FAT3: variants seen among roughly 807,000 people sequenced by gnomAD.
The protein encoded by FAT3 is FAT atypical cadherin 3.
Under a neutral mutation model 310.2 loss-of-function variants are expected in FAT3, and 95 were observed. The observed-to-expected ratio is 0.31, with a 90% CI of 0.26 to 0.36. FAT3 has a LOEUF of 0.36. Among genes scored for constraint, FAT3 ranks in the 10% least tolerant of loss-of-function variants. FAT3 has a pLI of 1.00. For missense variants in FAT3, 5,408 were observed against 5,715.6 expected (o/e 0.95, Z 1.74); for synonymous variants, 2,314 against 2,192.9 (o/e 1.06, Z -1.54).
chr11:92,818,936 TTAA>T (rs1947890923), intron 13 of FAT3, among the ~76,000 whole-genome samples: 1 of 152,324 alleles, frequency 6.6e-6, no homozygotes, highest in African/African-American at 2.4e-5. Flanking sequence ...GCTCAGTTAC[TTAA>T]TAAGAATTTT....
intron 1 of FAT3, among the ~76,000 whole-genome samples, chr11:92,287,117 C>A (rs1186664734): frequency 6.6e-6 from 1 of 152,066 alleles, no homozygotes; most frequent in East Asian, 1.9e-4. Context: ...ATTTTAAGTG[C>A]TTTGCAGGTG....
intron 19 of FAT3, among the ~76,000 whole-genome samples, chr11:92,855,508 T>C (rs576289391): frequency 6.6e-6 from 1 of 152,302 alleles, no homozygotes; most frequent in East Asian, 1.9e-4. Context: ...TCCCAGGCCT[T>C]ATACCTCTTT....
intron 2 of FAT3, chr11:92,403,451 A>C (rs931012831): frequency 6.6e-6 from 1 of 152,230 alleles, no homozygotes; most frequent in Non-Finnish European, 1.5e-5. Context: ...GAGTTAAATA[A>C]AATTCATTGC....
intron 4 of FAT3, among the ~76,000 whole-genome samples, chr11:92,745,644 G>A (rs1370908833): frequency 2.0e-5 from 3 of 151,528 alleles, no homozygotes; most frequent in Non-Finnish European, 2.9e-5. Context: ...TTCCTAAAGT[G>A]CAAAGAAAAG....
intron 1 of FAT3, among the ~76,000 whole-genome samples, chr11:92,293,692 G>T (rs1441348276): frequency 1.3e-5 from 2 of 151,452 alleles, no homozygotes; most frequent in African/African-American, 2.4e-5. Context: ...GGATCAGGAG[G>T]TCTTCTAGCC....
chr11:92,667,894 GCAT>G (rs1943007725), intron 3 of FAT3, among the ~76,000 whole-genome samples: 1 of 152,166 alleles, frequency 6.6e-6, no homozygotes, highest in Non-Finnish European at 1.5e-5. Context: ...TGGATCATGT[GCAT>G]CTTTTGCCAC....
chr11:92,383,059 C>T lies in FAT3; in HGVS notation c.3292+27655C>T, dbSNP rs992997904. Among the ~76,000 whole-genome samples, 63 of 152,162 alleles carry T rather than the reference C, an allele frequency of 4.1e-4. 2 individuals carry two copies. Among genetic ancestry groups the T allele is most frequent in the Non-Finnish European group, 2.9e-5 (2 of 68,032 alleles). On this transcript the variant is annotated intron_variant, in intron 2 of 27. Coordinates refer to ENST00000525166, the MANE Select transcript of FAT3 (RefSeq NM_001367949.2). Reference sequence around the variant, plus strand: ...TGTGTCCATGTGTTCTCATTGTTCACCTCCTGCTTATAAGTGAGAATATGC... The same window carrying T: ...TGTGTCCATGTGTTCTCATTGTTCATCTCCTGCTTATAAGTGAGAATATGC...
chr11:92,669,980 G>A (rs1319373363), intron 3 of FAT3, among the ~76,000 whole-genome samples: 1 of 152,196 alleles, frequency 6.6e-6, no homozygotes, highest in Admixed American at 6.5e-5. Flanking sequence ...TTGGCCACAT[G>A]ACTTCAGAGA....
chr11:92,817,126 G>A (rs1947844613), intron 13 of FAT3, among the ~76,000 whole-genome samples: 1 of 152,108 alleles, frequency 6.6e-6, no homozygotes, highest in Non-Finnish European at 1.5e-5. Flanking sequence ...ATACAGGAAG[G>A]GACTGCCATC....
intron 2 of FAT3, among the ~76,000 whole-genome samples, chr11:92,393,129 C>A (rs1336843709): frequency 6.6e-6 from 1 of 152,126 alleles, no homozygotes; most frequent in Non-Finnish European, 1.5e-5. Flanking sequence ...AATTCTCTAG[C>A]TGCTATTTCT....
At chr11:92,805,661 T>G (rs1432187650) in intron 11 of FAT3, among the ~76,000 whole-genome samples, 1 of 152,118 alleles carries the variant, frequency 6.6e-6, no homozygotes, top group East Asian at 1.9e-4. Flanking sequence ...AAATCACTGA[T>G]ATCATAAAAG....
chr11:92,700,185 T>C (rs1430158047), intron 4 of FAT3, among the ~76,000 whole-genome samples: 2 of 152,186 alleles, frequency 1.3e-5, no homozygotes, highest in Non-Finnish European at 2.9e-5. Flanking sequence ...AGTAGACTTG[T>C]TTGACATGGC....
chr11:92,438,683 G>C (rs549537918), intron 2 of FAT3, among the ~76,000 whole-genome samples: 1 of 152,252 alleles, frequency 6.6e-6, no homozygotes, highest in Non-Finnish European at 1.5e-5. Context: ...CTGTGATGTG[G>C]GAAATTACAT....
At chr11:92,684,790 G>C (rs979941500) in intron 3 of FAT3, among the ~76,000 whole-genome samples, 1 of 152,084 alleles carries the variant, frequency 6.6e-6, no homozygotes, top group African/African-American at 2.4e-5. Context: ...GCAGCTATCT[G>C]ATTCTTCCTG....
At chr11:92,477,776 T>C (rs907772614) in intron 2 of FAT3, among the ~76,000 whole-genome samples, 2 of 152,250 alleles carry the variant, frequency 1.3e-5, no homozygotes, top group Non-Finnish European at 2.9e-5. Flanking sequence ...TCACTGATTT[T>C]TTCTATGTCT....
At chr11:92,620,432 G>A (rs1189206398) in intron 3 of FAT3, among the ~76,000 whole-genome samples, 2 of 152,106 alleles carry the variant, frequency 1.3e-5, no homozygotes, top group African/African-American at 2.4e-5. Flanking sequence ...TTGTTCCATG[G>A]CACATGTACT....
chr11:92,430,674 C>T (rs890983713), intron 2 of FAT3, among the ~76,000 whole-genome samples: 3 of 152,088 alleles, frequency 2.0e-5, no homozygotes, highest in Admixed American at 2.0e-4. Context: ...CCCCACCCTA[C>T]AACAGGCCCT....
At chr11:92,660,057 A>C (rs1942726028) in intron 3 of FAT3, among the ~76,000 whole-genome samples, 2 of 152,178 alleles carry the variant, frequency 1.3e-5, no homozygotes, top group Admixed American at 1.3e-4. Context: ...AAACCACGGC[A>C]GACTTAGTGC....
At position 92,883,476 on chromosome 11, in the gene FAT3, A is replaced by G; in HGVS notation, c.12937+83A>G. ...CTGTGCGAGGACGCTACGGGAAGGGAGAGAGACCCCGCATGCAGAGCATTC... is the reference window on the plus strand; with the variant it reads ...CTGTGCGAGGACGCTACGGGAAGGGGGAGAGACCCCGCATGCAGAGCATTC... On this transcript the variant is annotated intron_variant, in intron 24 of 27. Coordinates refer to ENST00000525166, the MANE Select transcript of FAT3 (RefSeq NM_001367949.2). This position sits in a 1 kb window ranked among gnomAD's most constrained non-coding sequence, Gnocchi z 4.2. 1 of 1,487,400 alleles carries G rather than the reference A, an allele frequency of 6.7e-7. No homozygotes were observed. 92.1% of individuals were successfully genotyped at this position (1,487,400 alleles called of 1,614,324 possible).
Sources: allele counts gnomAD v4.1 joint callset (sites outside exome capture counted in the v4.1 genomes callset), GRCh38; gene constraint gnomAD v4.1.1; non-coding constraint Gnocchi (gnomAD v3.1); transcripts MANE v1.5; gene names NCBI Gene and HGNC (gene_info 2026-07-23, HGNC 2026-07-21).